TAS1R2: variants seen among roughly 807,000 people sequenced by gnomAD.
TAS1R2 encodes the protein taste 1 receptor member 2, also known as taste receptor type 1 member 2.
In TAS1R2, 47 loss-of-function variants were observed where a neutral mutation model predicts 49.3. The observed-to-expected ratio is 0.95, with a 90% CI of 0.75 to 1.22. The LOEUF is 1.22. TAS1R2 is among the 50% of genes most tolerant of loss of function. The probability of loss-of-function intolerance (pLI) is 0.00; values close to 1 mark genes in which losing one functional copy is unlikely to be tolerated. For synonymous variants in TAS1R2, 479 were observed against 467.9 expected, an observed-to-expected ratio of 1.02 and a Z score of -0.31; for missense variants, 1,155 against 1,122.1, an observed-to-expected ratio of 1.03 and a Z score of -0.42.
intron 4 of TAS1R2, among the ~76,000 whole-genome samples, chr1:18,848,854 A>T (rs1933969114): frequency 6.6e-6 from 1 of 152,168 alleles, no homozygotes; most frequent in South Asian, 2.1e-4. Flanking sequence ...CATTAATATT[A>T]CATTAGGGTG....
chr1:18,857,768 G>A lies in TAS1R2; in HGVS notation c.183-137C>T. 4.2e-6 allele frequency: 4 copies of A among 959,510 alleles called. No homozygotes were observed. The South Asian group carries it at 6.9e-5, about 17-fold the overall frequency. The allele number at this position is 959,510 out of a possible 1,614,324, so 59.4% of individuals were successfully genotyped here. On this transcript the variant is annotated intron_variant, in intron 1 of 5. Transcript: ENST00000375371. Reference sequence around the variant, plus strand: ...GAGAAGAGCCACTCCAGAAGACTCGGGCATTTTCACCATGTCATTGTCACC... The same window carrying A: ...GAGAAGAGCCACTCCAGAAGACTCGAGCATTTTCACCATGTCATTGTCACC...
rs2100521727 is a variant in TAS1R2 at position 18,854,549 on chromosome 1, G to A, written c.921C>T (p.Asp307=). The A allele has an allele frequency of 1.2e-6, 2 of 1,613,636 alleles. No individual in the cohort carries two copies. The highest frequency in any genetic ancestry group is 1.6e-4 in the Middle Eastern group (1 of 6,062). The change falls in exon 3 of 6, where the codon GAC becomes GAT. Residue 307 remains aspartate, a synonymous_variant. Transcript: ENST00000375371. This position sits in a 1 kb window ranked among gnomAD's most constrained non-coding sequence, Gnocchi z 4.9. ...GCTCCGTGAGGTTGTGCAGGACCGG[G>A]TCGATGGCCCAGGACTCGGAGGCGA...
chr1:18,848,664 C>T (rs1265413450), intron 4 of TAS1R2, among the ~76,000 whole-genome samples: 1 of 152,158 alleles, frequency 6.6e-6, no homozygotes, highest in East Asian at 1.9e-4. Context: ...AGCTCCACCT[C>T]CTGTCAGATC....
intron 4 of TAS1R2, among the ~76,000 whole-genome samples, chr1:18,846,632 T>C (rs1569663883): frequency 6.6e-6 from 1 of 152,198 alleles, no homozygotes; most frequent in African/African-American, 2.4e-5. Context: ...GCAGTCAACA[T>C]AGTCATATAA....
At chr1:18,857,016 C>T (rs1309113767) in intron 2 of TAS1R2, among the ~76,000 whole-genome samples, 2 of 152,190 alleles carry the variant, frequency 1.3e-5, no homozygotes, top group Non-Finnish European at 2.9e-5. Context: ...TTCAGACAGT[C>T]CTGGGATGGA....
At position 18,854,783 on chromosome 1, in the gene TAS1R2, C is replaced by T. The variant is rs1316166066; in HGVS notation, c.687G>A (p.Arg229=). 6.2e-7 allele frequency: 1 copy of T among 1,605,926 alleles called. No individual in the cohort carries two copies. Among genetic ancestry groups the T allele is most frequent in the African/African-American group, 1.3e-5 (1 of 74,970 alleles). Residue 229 remains arginine, a synonymous_variant, in exon 3 of 6, where the codon CGG becomes CGA. Transcript: ENST00000375371. This position sits in a 1 kb window ranked among gnomAD's most constrained non-coding sequence, Gnocchi z 4.9. ...CCTGGAAGGCGATGCAGATGTCGCG[C>T]CGGGCCACGCGCTCGCCAAGCAGCT...
At chr1:18,858,816 T>G (rs1026881491) in intron 1 of TAS1R2, among the ~76,000 whole-genome samples, 1 of 152,216 alleles carries the variant, frequency 6.6e-6, no homozygotes, top group Non-Finnish European at 1.5e-5. Flanking sequence ...TCATAAATGA[T>G]GCATTTCTCA....
chr1:18,849,329 C>G lies in TAS1R2; in HGVS notation c.1467+12G>C. On this transcript the variant is annotated intron_variant, in intron 4 of 5. Coordinates refer to ENST00000375371, the Ensembl canonical transcript of TAS1R2. ...CCCCAGGCCTGCCCACCCACCAGGC[C>G]CCCTGGCTGACCGTGTTGTTGATGG... 6.2e-7 allele frequency: 1 copy of G among 1,613,406 alleles called. No homozygotes were observed. The highest frequency in any genetic ancestry group is 8.5e-7 in the Non-Finnish European group (1 of 1,179,972).
chr1:18,858,082 T>C (rs568258791), intron 1 of TAS1R2, among the ~76,000 whole-genome samples: 2 of 151,004 alleles, frequency 1.3e-5, no homozygotes, highest in Non-Finnish European at 3.0e-5. Flanking sequence ...AGCACGACCA[T>C]TATCACAGCC....
rs776521464 is a variant in TAS1R2, at chr1:18,854,882, C to T, written c.588G>A (p.Gln196=). 1.9e-6 allele frequency: 3 copies of T among 1,612,800 alleles called. No individual in the cohort carries two copies. The highest frequency in any genetic ancestry group is 4.5e-5 in the East Asian group (2 of 44,878). The change falls in exon 3 of 6, where the codon CAG becomes CAA. Residue 196 remains glutamine (Q), a synonymous_variant. Transcript: ENST00000375371. The surrounding 1 kb of genome is among the most constrained non-coding windows in gnomAD (Gnocchi z 4.9). ...AGTTCCAGCGGAAGTGCAGCATCAG[C>T]TGCACCATGGCCTCGATGTGGTGGT...
At chr1:18,839,984 T>C in exon 6 of TAS1R2, 5 of 1,613,996 alleles carry the variant, frequency 3.1e-6, no homozygotes, top group Non-Finnish European at 4.2e-6. Context: ...GATCTTGGGG[T>C]CATCGGGGTC....
At chr1:18,857,975 C>T (rs932344610) in intron 1 of TAS1R2, among the ~76,000 whole-genome samples, 2 of 152,018 alleles carry the variant, frequency 1.3e-5, no homozygotes, top group African/African-American at 4.8e-5. Context: ...TCATCACCCA[C>T]TACCCATATT....
intron 2 of TAS1R2, among the ~76,000 whole-genome samples, chr1:18,855,820 C>A (rs1934129299): frequency 6.6e-6 from 1 of 152,178 alleles, no homozygotes; most frequent in Non-Finnish European, 1.5e-5. Context: ...AGGGCAAAAA[C>A]TCTGGAGTCG....
intron 3 of TAS1R2, among the ~76,000 whole-genome samples, chr1:18,853,774 G>C (rs1934074807): frequency 6.6e-6 from 1 of 152,214 alleles, no homozygotes; most frequent in African/African-American, 2.4e-5. Flanking sequence ...GGAGGTCTCT[G>C]TGTGTGCCTG....
intron 4 of TAS1R2, among the ~76,000 whole-genome samples, chr1:18,846,897 C>T (rs993780333): frequency 6.6e-6 from 1 of 152,176 alleles, no homozygotes; most frequent in Non-Finnish European, 1.5e-5. Context: ...TAGTACTATC[C>T]TCTTGGCACT....
exon 6 of TAS1R2, chr1:18,840,415 A>G: frequency 6.2e-7 from 1 of 1,614,184 alleles, no homozygotes; most frequent in East Asian, 2.2e-5. Context: ...GCAGGGCCAC[A>G]GCGATGGTGG....
In TAS1R2 at chr1:18,854,642, C is replaced by T. The variant is rs757949189; in HGVS notation, c.828G>A (p.Ser276=). ...AGAAGTGGTACAGGGTCAGGTCGGG[C>T]GAGAACACGACCACGACGCGCGCTG... is the stretch of plus-strand genomic sequence containing the variant. The change falls in exon 3 of 6, where the codon TCG becomes TCA. Residue 276 remains serine, a synonymous_variant. Coordinates refer to ENST00000375371, the Ensembl canonical transcript of TAS1R2. This position sits in a 1 kb window ranked among gnomAD's most constrained non-coding sequence, Gnocchi z 4.9. 47 of 1,614,014 alleles carry T rather than the reference C, an allele frequency of 2.9e-5. No individual in the cohort carries two copies. The highest frequency in any genetic ancestry group is 3.8e-5 in the Non-Finnish European group (45 of 1,179,978).
rs1158818176 is a variant in TAS1R2, at chr1:18,854,484, C to T, written c.986G>A (p.Ser329Asn). The T allele has an allele frequency of 1.2e-6, 2 of 1,614,140 alleles. No individual in the cohort carries two copies. The highest frequency in any genetic ancestry group is 1.7e-5 in the Admixed American group (1 of 60,030). The change falls in exon 3 of 6, where the codon AGC (serine) becomes AAC (asparagine). Residue 329 changes from serine (S) to asparagine (N), a missense_variant. By Grantham distance (46) the Ser-to-Asn change is conservative. Coordinates refer to ENST00000375371, the Ensembl canonical transcript of TAS1R2. The surrounding 1 kb of genome is among the most constrained non-coding windows in gnomAD (Gnocchi z 4.9). ...CTCACTGAAGCCCGGGATGGGCACG[C>T]TCTGGATGGTGATGCCCAGGAAGGT... is the stretch of plus-strand genomic sequence containing the variant.
At chr1:18,849,607 T>C in intron 3 of TAS1R2, 57 bp from the exon 4 acceptor site, 2 of 1,586,976 alleles carry the variant, frequency 1.3e-6, no homozygotes, top group East Asian at 2.2e-5. Flanking sequence ...AGCCAGAATT[T>C]TTCCTGGACC....
Sources: gnomAD v4.1 joint callset for allele counts (sites outside exome capture counted in the v4.1 genomes callset) on GRCh38, gnomAD v4.1.1 for gene constraint, Gnocchi (gnomAD v3.1) non-coding constraint, MANE v1.5 for transcripts, NCBI Gene and HGNC (gene_info 2026-07-23, HGNC 2026-07-21) for gene names.